The following GPR176 variants were observed in gnomAD, a reference collection of about 807,000 sequenced individuals.
The protein encoded by GPR176 is G-protein coupled receptor 176.
Under a neutral mutation model 35.4 loss-of-function variants are expected in GPR176, and 26 were observed. That is an observed-to-expected ratio of 0.74 (90% CI 0.54 to 1.02). The LOEUF (loss-of-function observed/expected upper bound fraction) is 1.02, where lower values mean the gene tolerates loss of function less well. GPR176 is among the 50% of genes least tolerant of loss of function. GPR176 has a pLI of 0.00. For synonymous variants in GPR176, 278 were observed against 271.3 expected (o/e 1.02, Z -0.24); for missense variants, 597 against 665.3 (o/e 0.90, Z 1.13).
intron 1 of GPR176, among the ~76,000 whole-genome samples, chr15:39,859,691 A>T (rs780177532): frequency 2.0e-5 from 3 of 152,190 alleles, no homozygotes; most frequent in Non-Finnish European, 2.9e-5. Context: ...ATATTATACC[A>T]AGTAAAATCG....
At chr15:39,823,966 G>A (rs1900448618) in intron 1 of GPR176, among the ~76,000 whole-genome samples, 1 of 152,178 alleles carries the variant, frequency 6.6e-6, no homozygotes, top group South Asian at 2.1e-4. Flanking sequence ...ATCTCATGTT[G>A]AAATGTGGCC....
At chr15:39,811,645 G>A (rs1899555624) in intron 1 of GPR176, among the ~76,000 whole-genome samples, 3 of 152,142 alleles carry the variant, frequency 2.0e-5, no homozygotes, top group African/African-American at 7.2e-5. Context: ...TTCGGGGTGT[G>A]GTGGCTCACA....
intron 1 of GPR176, among the ~76,000 whole-genome samples, chr15:39,872,599 T>C (rs1366656660): frequency 4.6e-5 from 7 of 152,176 alleles, no homozygotes; most frequent in Admixed American, 6.5e-5. Context: ...CTGGGTAATT[T>C]ACAAGAAAAG....
At position 39,893,785 on chromosome 15, in the gene GPR176, C is replaced by G. The variant is rs867738424; in HGVS notation, c.172+26070G>C. 3.1e-3 allele frequency among the ~76,000 whole-genome samples: 426 copies of G among 138,042 alleles called. 7 individuals are homozygous for G. Among genetic ancestry groups the G allele is most frequent in the African/African-American group, 0.011 (410 of 36,798 alleles). 90.6% of individuals were successfully genotyped at this position (138,042 alleles called of 152,430 possible). On this transcript the variant is annotated intron_variant, in intron 1 of 2. Transcript: ENST00000561100. Reference sequence around the variant, plus strand: ...GGGCGGCTGGCCAGGCGGGGGCTGACCCCCCCACCTCCCTCCCGGATGGGG... The same window carrying G: ...GGGCGGCTGGCCAGGCGGGGGCTGAGCCCCCCACCTCCCTCCCGGATGGGG...
chr15:39,892,459 T>C (rs1198101258), intron 1 of GPR176, among the ~76,000 whole-genome samples: 1 of 152,252 alleles, frequency 6.6e-6, no homozygotes, highest in Non-Finnish European at 1.5e-5. Flanking sequence ...AGAGTTGAAC[T>C]GTGTCCTCAC....
chr15:39,878,175 AC>A (rs1341366715), intron 1 of GPR176, among the ~76,000 whole-genome samples: 1 of 143,368 alleles, frequency 7.0e-6, no homozygotes, highest in African/African-American at 2.6e-5. Context: ...TTTCAAGTGT[AC>A]AATACAGTAT....
intron 1 of GPR176, 124 bp downstream of exon 1, chr15:39,919,731 C>T: frequency 1.5e-6 from 1 of 661,344 alleles, no homozygotes; most frequent in Non-Finnish European, 2.3e-6. Context: ...CCTTAAGCTT[C>T]CTTCAACTCT....
chr15:39,886,878 T>C (rs919640528), intron 1 of GPR176, among the ~76,000 whole-genome samples: 12 of 152,146 alleles, frequency 7.9e-5, no homozygotes, highest in Non-Finnish European at 1.3e-4. Context: ...GGTATCCTAA[T>C]TCCTAATTTA....
intron 1 of GPR176, chr15:39,807,689 A>G (rs914588301): frequency 3.0e-6 from 2 of 668,006 alleles, no homozygotes; most frequent in Non-Finnish European, 5.4e-6. Flanking sequence ...CATGTTTTAA[A>G]AAAGTAAAGA....
chr15:39,892,429 C>T (rs955091281), intron 1 of GPR176, among the ~76,000 whole-genome samples: 25 of 152,194 alleles, frequency 1.6e-4, no homozygotes, highest in African/African-American at 6.0e-4. Flanking sequence ...TCTATTTGAA[C>T]TTAGTGTTTG....
At chr15:39,860,645 G>T (rs1045797285) in intron 1 of GPR176, among the ~76,000 whole-genome samples, 58 of 152,190 alleles carry the variant, frequency 3.8e-4, no homozygotes, top group Admixed American at 2.4e-3. Context: ...AAAGAGACCT[G>T]AAGGCTCATA....
chr15:39,918,722 T>C (rs1243230430), intron 1 of GPR176, among the ~76,000 whole-genome samples: 1 of 151,832 alleles, frequency 6.6e-6, no homozygotes, highest in Non-Finnish European at 1.5e-5. Context: ...CTCCTGAAAA[T>C]ATCCTCGTAA....
chr15:39,848,905 A>T (rs1404916478), intron 1 of GPR176, among the ~76,000 whole-genome samples: 1 of 149,006 alleles, frequency 6.7e-6, no homozygotes, highest in Non-Finnish European at 1.5e-5. Context: ...AAAACCTAAA[A>T]AAAGCAAAGT....
At chr15:39,847,390 A>T (rs1423358568) in intron 1 of GPR176, among the ~76,000 whole-genome samples, 1 of 152,170 alleles carries the variant, frequency 6.6e-6, no homozygotes, top group Non-Finnish European at 1.5e-5. Flanking sequence ...ACTCACTTCA[A>T]ATATAATGTT....
intron 1 of GPR176, among the ~76,000 whole-genome samples, chr15:39,834,676 A>T (rs1328202803): frequency 2.0e-5 from 3 of 152,212 alleles, no homozygotes; most frequent in Admixed American, 6.6e-5. Context: ...AAGTAATCCA[A>T]GCACAGAAAA....
At chr15:39,904,558 A>G (rs965272538) in intron 1 of GPR176, among the ~76,000 whole-genome samples, 4 of 152,174 alleles carry the variant, frequency 2.6e-5, no homozygotes, top group African/African-American at 7.2e-5. Context: ...CAAAGCCCTC[A>G]GGCCTGGTTA....
intron 1 of GPR176, among the ~76,000 whole-genome samples, chr15:39,902,887 C>T (rs1337492025): frequency 1.3e-5 from 2 of 152,164 alleles, no homozygotes; most frequent in African/African-American, 4.8e-5. Context: ...CTCAAAAATT[C>T]TTGCTCAGAA....
At chr15:39,808,143 T>G (rs1184069237) in intron 1 of GPR176, among the ~76,000 whole-genome samples, 1 of 152,200 alleles carries the variant, frequency 6.6e-6, no homozygotes, top group Non-Finnish European at 1.5e-5. Flanking sequence ...TACGTTAGAC[T>G]ACCCATTCTG....
intron 1 of GPR176, among the ~76,000 whole-genome samples, chr15:39,839,147 T>C (rs1484456279): frequency 1.3e-5 from 2 of 152,170 alleles, no homozygotes; most frequent in African/African-American, 2.4e-5. Flanking sequence ...TTAAAGTTCA[T>C]ATGGAACCAA....
Sources: gnomAD v4.1 joint callset for allele counts (sites outside exome capture counted in the v4.1 genomes callset) on GRCh38, gnomAD v4.1.1 for gene constraint, MANE v1.5 for transcripts, NCBI Gene and HGNC (gene_info 2026-07-23, HGNC 2026-07-21) for gene names.